Variants in FREM2 observed in about 807,000 individuals in gnomAD.
The protein encoded by FREM2 is FRAS1 related extracellular matrix 2.
In FREM2, 119 loss-of-function variants were observed where a neutral mutation model predicts 219.9. The observed-to-expected ratio is 0.54, with a 90% confidence interval of 0.47 to 0.63. The LOEUF (loss-of-function observed/expected upper bound fraction) is 0.63. Ranked by LOEUF, FREM2 falls within the 30% of genes least tolerant of loss-of-function variation. The pLI is 0.00. For missense variants in FREM2, 4,030 were observed against 3,993.6 expected, an observed-to-expected ratio of 1.01 and a Z score of -0.25; for synonymous variants, 1,562 against 1,522.8, an observed-to-expected ratio of 1.03 and a Z score of -0.60.
At chr13:38,822,211 T>C (rs1335479605) in intron 6 of FREM2, 2 of 152,106 alleles carry the variant, frequency 1.3e-5, no homozygotes, top group Non-Finnish European at 2.9e-5. Context: ...TTTTACACCT[T>C]ATAGAGCTGA....
intron 2 of FREM2, among the ~76,000 whole-genome samples, chr13:38,755,405 A>G (rs748116280): frequency 3.9e-5 from 6 of 152,022 alleles, no homozygotes; most frequent in African/African-American, 1.4e-4. Flanking sequence ...GTTATTCTCT[A>G]TTGAAGGAAA....
At position 38,874,529 on chromosome 13, in the gene FREM2, G is replaced by A; in HGVS notation, c.8224G>A (p.Ala2742Thr). Residue 2742 changes from alanine to threonine, a missense_variant, in exon 18 of 24, where the codon GCC (alanine) becomes ACC (threonine). Physicochemically the swap from Ala to Thr is moderately conservative, Grantham distance 58 (BLOSUM62 0). Transcript: ENST00000280481. ...GCGCATCGGTGATGAGGGGCGCTTG[G>A]CCGTGCACTTCAAGACAGAGGCTCA... ...SMRIGDEGRL[A>T]VHFKTEAQFH... is the part of the protein sequence containing the mutation. 6.2e-7 allele frequency: 1 copy of A among 1,614,108 alleles called. No homozygotes were observed.
intron 4 of FREM2, among the ~76,000 whole-genome samples, chr13:38,780,350 G>A (rs7319668): frequency 0.89 from 134,986 of 152,064 alleles, 60,205 homozygotes; most frequent in Non-Finnish European, 0.94. Context: ...CACCTGGTCC[G>A]TCAGAAAACT....
At position 38,882,312 on chromosome 13, in the gene FREM2, C is replaced by A. The variant is rs1223058659; in HGVS notation, c.*1525C>A. ...AGATGCTGGCTAGAATCCCCTTTGA[C>A]TTCTAGCCATAAGCTGGCCACATTG... On this transcript the variant is annotated 3_prime_UTR_variant, in exon 24 of 24. Coordinates refer to ENST00000280481, the MANE Select transcript of FREM2 (RefSeq NM_207361.6). The A allele has an allele frequency of 6.6e-6, 1 of 152,210 alleles. No homozygotes were observed. Among genetic ancestry groups the A allele is most frequent in the East Asian group, 1.9e-4 (1 of 5,196 alleles). 9.4% of individuals were successfully genotyped at this position (152,210 alleles called of 1,614,324 possible).
intron 6 of FREM2, among the ~76,000 whole-genome samples, chr13:38,802,976 C>G (rs1430309198): frequency 6.6e-6 from 1 of 152,168 alleles, no homozygotes; most frequent in Non-Finnish European, 1.5e-5. Flanking sequence ...CCCTCTCCTT[C>G]TTTGCTTTTG....
chr13:38,839,489 T>G (rs924541642), intron 6 of FREM2, among the ~76,000 whole-genome samples: 1 of 152,214 alleles, frequency 6.6e-6, no homozygotes, highest in African/African-American at 2.4e-5. Flanking sequence ...GCTCGTGCAC[T>G]GTGCTGGGAG....
chr13:38,827,745 T>C (rs1287896342), intron 6 of FREM2, among the ~76,000 whole-genome samples: 1 of 152,164 alleles, frequency 6.6e-6, no homozygotes, highest in Non-Finnish European at 1.5e-5. Flanking sequence ...ATGATGTTTT[T>C]GAAAGTGCAG....
At chr13:38,832,919 G>A (rs1876566595) in intron 6 of FREM2, among the ~76,000 whole-genome samples, 1 of 152,004 alleles carries the variant, frequency 6.6e-6, no homozygotes, top group South Asian at 2.1e-4. Flanking sequence ...CACGCTTGTA[G>A]TCCCAGCTAC....
intron 3 of FREM2, among the ~76,000 whole-genome samples, chr13:38,765,808 G>A (rs932779967): frequency 2.0e-4 from 31 of 152,062 alleles, no homozygotes; most frequent in Admixed American, 4.6e-4. Flanking sequence ...TGGTCTCCCC[G>A]CGGCCTCACC....
chr13:38,834,179 C>A (rs552674213), intron 6 of FREM2, among the ~76,000 whole-genome samples: 58 of 152,114 alleles, frequency 3.8e-4, no homozygotes, highest in African/African-American at 1.3e-3. Flanking sequence ...GATCCCCACC[C>A]CCCAATAGGC....
At chr13:38,850,261 G>C (rs375180649) in intron 9 of FREM2, 26 bp downstream of exon 9, 7 of 1,608,614 alleles carry the variant, frequency 4.4e-6, no homozygotes, top group Non-Finnish European at 6.0e-6. Context: ...AAATTTTTTC[G>C]TGAAATTTGA....
At chr13:38,776,625 A>C (rs952779952) in intron 4 of FREM2, among the ~76,000 whole-genome samples, 3 of 152,204 alleles carry the variant, frequency 2.0e-5, no homozygotes, top group Non-Finnish European at 4.4e-5. Context: ...TTCAAAATAA[A>C]GGGTAATTAA....
At chr13:38,838,809 A>G (rs1201500104) in intron 6 of FREM2, among the ~76,000 whole-genome samples, 2 of 152,136 alleles carry the variant, frequency 1.3e-5, no homozygotes, top group East Asian at 3.9e-4. Context: ...TTTCAGCTCC[A>G]TCAGTTCATT....
intron 4 of FREM2, among the ~76,000 whole-genome samples, chr13:38,773,602 G>GT (rs960116068): frequency 9.9e-5 from 15 of 151,666 alleles, no homozygotes; most frequent in Non-Finnish European, 1.9e-4. Context: ...TTGATTGGTT[G>GT]TTTTTTTTGT....
intron 2 of FREM2, among the ~76,000 whole-genome samples, chr13:38,740,037 A>AT (rs1872175688): frequency 6.6e-6 from 1 of 151,884 alleles, no homozygotes. Context: ...AAATACAACC[A>AT]TTTGAAATTG....
chr13:38,742,422 T>A (rs1872285072), intron 2 of FREM2, among the ~76,000 whole-genome samples: 1 of 152,174 alleles, frequency 6.6e-6, no homozygotes, highest in Non-Finnish European at 1.5e-5. Context: ...AGGGGGCAAA[T>A]AACAGCTAGC....
In FREM2 at chr13:38,857,888, TTG is replaced by T; in HGVS notation, c.7074_7075del (p.Tyr2359HisfsTer25). ...TTTTCCTTCTAGTTGACGAAAGCCA[TTG>T]TGTACATAGAAGAAATGAGCAGCAT... On this transcript the variant is annotated frameshift_variant, in exon 13 of 24. Coordinates refer to ENST00000280481, the MANE Select transcript of FREM2 (RefSeq NM_207361.6). LOFTEE classifies it high-confidence loss of function. 1.2e-6 allele frequency: 2 copies of T among 1,613,740 alleles called. No homozygotes were observed. The highest frequency in any genetic ancestry group is 1.7e-6 in the Non-Finnish European group (2 of 1,179,622).
chr13:38,701,336 T>A (rs1264508335), intron 2 of FREM2, among the ~76,000 whole-genome samples: 2 of 152,128 alleles, frequency 1.3e-5, no homozygotes, highest in Non-Finnish European at 2.9e-5. Flanking sequence ...TGAGCTCGTG[T>A]ATATATGTAG....
chr13:38,850,008 T>G, intron 8 of FREM2, 30 bp from the exon 9 acceptor site: 1 of 1,586,270 alleles, frequency 6.3e-7, no homozygotes, highest in Non-Finnish European at 8.7e-7. Flanking sequence ...CAAGGAAATT[T>G]CTGTTCACTT....
Sources: gnomAD v4.1 joint callset for allele counts (sites outside exome capture counted in the v4.1 genomes callset) on GRCh38, gnomAD v4.1.1 for gene constraint, MANE v1.5 for transcripts, NCBI Gene and HGNC (gene_info 2026-07-23, HGNC 2026-07-21) for gene names.